The following ATL2 variants were observed in gnomAD, a reference collection of about 807,000 sequenced individuals.
ATL2 encodes the protein atlastin GTPase 2, also known as atlastin-2.
Under a neutral mutation model 73.9 loss-of-function variants are expected in ATL2, and 31 were observed. The ratio of observed to expected loss-of-function variants is 0.42; its 90% CI spans 0.32 to 0.57. ATL2 has a LOEUF of 0.57. ATL2 is among the 20% of genes least tolerant of loss of function. The pLI is 0.14. For synonymous variants in ATL2, 291 were observed against 237.5 expected (o/e 1.23, Z -2.07); for missense variants, 738 against 702.6 (o/e 1.05, Z -0.57).
At chr2:38,376,974 A>T (rs1188140198) in intron 1 of ATL2, among the ~76,000 whole-genome samples, 169 bp downstream of exon 1, 3 of 151,024 alleles carry the variant, frequency 2.0e-5, no homozygotes, top group Non-Finnish European at 3.0e-5. Context: ...GCGCTGCGGG[A>T]GCGCGGGGCG....
At position 38,295,734 on chromosome 2, in the gene ATL2, A is replaced by C. The variant is rs1666856000; in HGVS notation, c.*260T>G. 3.8e-6 allele frequency: 1 copy of C among 260,844 alleles called. No homozygotes were observed. Among genetic ancestry groups the C allele is most frequent in the Admixed American group, 5.0e-5 (1 of 19,870 alleles). The allele number at this position is 260,844 out of a possible 1,614,324, so 16.2% of individuals were successfully genotyped here. ...ATTCACTAACATTAGATTAAGTAAAAAGAAATAAAAGAGTTAAACATGGCA... is the reference window on the plus strand; with the variant it reads ...ATTCACTAACATTAGATTAAGTAAACAGAAATAAAAGAGTTAAACATGGCA... On this transcript the variant is annotated 3_prime_UTR_variant, in exon 13 of 13. Coordinates refer to ENST00000378954, the MANE Select transcript of ATL2 (RefSeq NM_001135673.4).
intron 1 of ATL2, among the ~76,000 whole-genome samples, chr2:38,349,031 T>C (rs569541652): frequency 3.0e-4 from 46 of 151,068 alleles, no homozygotes; most frequent in Non-Finnish European, 5.8e-4. Context: ...CAACAGGTGC[T>C]GGAGAGGATG....
At chr2:38,367,167 A>T (rs1671378229) in intron 1 of ATL2, among the ~76,000 whole-genome samples, 1 of 151,742 alleles carries the variant, frequency 6.6e-6, no homozygotes, top group Non-Finnish European at 1.5e-5. Context: ...GTTTTTTTTT[A>T]GGTTTTAAGA....
intron 2 of ATL2, 117 bp downstream of exon 2, chr2:38,343,149 TAA>T (rs59215933): frequency 0.02 from 7,275 of 360,358 alleles, 214 homozygotes; most frequent in African/African-American, 0.14. Flanking sequence ...CCACTTAAAT[TAA>T]AAAAAAAAAA....
chr2:38,338,815 G>C (rs1669525753), intron 2 of ATL2, among the ~76,000 whole-genome samples: 1 of 152,184 alleles, frequency 6.6e-6, no homozygotes, highest in Non-Finnish European at 1.5e-5. Flanking sequence ...AAGGGTACTT[G>C]ACCTCAGGAG....
Position 38,294,478 on chromosome 2 carries a change from G to A in ATL2, c.*1516C>T, listed in dbSNP as rs1215648299. 6.6e-6 allele frequency among the ~76,000 whole-genome samples: 1 copy of A among 152,174 alleles called. No homozygotes were observed. Among genetic ancestry groups the A allele is most frequent in the Non-Finnish European group, 1.5e-5 (1 of 68,012 alleles). On this transcript the variant is annotated 3_prime_UTR_variant, in exon 13 of 13. Transcript: ENST00000378954. ...CGGGAGAATCACTTGAACCCAGGAG[G>A]TGGAGGTTGCAGTGAGCCAAGATCG... is the stretch of plus-strand genomic sequence containing the variant.
At chr2:38,341,176 A>G (rs1301838571) in intron 2 of ATL2, among the ~76,000 whole-genome samples, 1 of 152,240 alleles carries the variant, frequency 6.6e-6, no homozygotes, top group African/African-American at 2.4e-5. Context: ...TGCACTAAAC[A>G]GCTTAGACAC....
At chr2:38,316,940 G>A (rs1167085518) in intron 4 of ATL2, among the ~76,000 whole-genome samples, 1 of 152,128 alleles carries the variant, frequency 6.6e-6, no homozygotes, top group African/African-American at 2.4e-5. Context: ...GAAAAAAAGA[G>A]ACTTAGAGGG....
intron 1 of ATL2, among the ~76,000 whole-genome samples, chr2:38,344,368 G>C (rs1306278819): frequency 6.6e-6 from 1 of 152,166 alleles, no homozygotes; most frequent in African/African-American, 2.4e-5. Flanking sequence ...CCAACACTTT[G>C]GGAGGCCGAG....
chr2:38,305,873 C>T (rs1289885976), intron 9 of ATL2, among the ~76,000 whole-genome samples: 1 of 151,300 alleles, frequency 6.6e-6, no homozygotes, highest in Non-Finnish European at 1.5e-5. Context: ...CTTAAAAAAA[C>T]AGAAAAGGAA....
chr2:38,365,425 C>T (rs1219764316), intron 1 of ATL2, among the ~76,000 whole-genome samples: 1 of 152,026 alleles, frequency 6.6e-6, no homozygotes, highest in Non-Finnish European at 1.5e-5. Flanking sequence ...GAGGCCGAGG[C>T]AGGCAGAACA....
At chr2:38,314,536 A>G in intron 6 of ATL2, 72 bp downstream of exon 6, 1 of 1,136,178 alleles carries the variant, frequency 8.8e-7, no homozygotes, top group Non-Finnish European at 1.3e-6. Context: ...TGGTGTCTCC[A>G]AAATTACAAA....
chr2:38,348,309 A>G (rs1202596199), intron 1 of ATL2, among the ~76,000 whole-genome samples: 1 of 151,930 alleles, frequency 6.6e-6, no homozygotes, highest in Non-Finnish European at 1.5e-5. Context: ...TCTACTAAAA[A>G]TACAAAATTA....
chr2:38,377,284 C>G (rs764867451), upstream of ATL2: 2 of 1,526,984 alleles, frequency 1.3e-6, no homozygotes, highest in Non-Finnish European at 1.8e-6. Flanking sequence ...AAAATTAACT[C>G]CCCACTGACG....
At chr2:38,312,682 C>G (rs1264868677) in intron 7 of ATL2, among the ~76,000 whole-genome samples, 2 of 149,814 alleles carry the variant, frequency 1.3e-5, no homozygotes, top group Non-Finnish European at 3.0e-5. Flanking sequence ...GCACTCCAGC[C>G]CAGGCAATAG....
chr2:38,344,650 T>C (rs540239006), intron 1 of ATL2, among the ~76,000 whole-genome samples: 2 of 152,212 alleles, frequency 1.3e-5, no homozygotes, highest in African/African-American at 2.4e-5. Flanking sequence ...TATTTTTCAT[T>C]CTGAAACTTA....
At chr2:38,357,201 G>C (rs757970434) in intron 1 of ATL2, among the ~76,000 whole-genome samples, 1 of 151,906 alleles carries the variant, frequency 6.6e-6, no homozygotes, top group Non-Finnish European at 1.5e-5. Flanking sequence ...GGTGGTGGGT[G>C]CCTGTAATCC....
chr2:38,356,472 C>T (rs1670675548), intron 1 of ATL2, among the ~76,000 whole-genome samples: 1 of 152,154 alleles, frequency 6.6e-6, no homozygotes, highest in Non-Finnish European at 1.5e-5. Flanking sequence ...GGATTACAGG[C>T]ATGAGCCACC....
intron 1 of ATL2, among the ~76,000 whole-genome samples, chr2:38,370,801 A>ACCCCTGG (rs1671644986): frequency 6.9e-6 from 1 of 144,968 alleles, no homozygotes; most frequent in Non-Finnish European, 1.5e-5. Context: ...AAAAAAATCA[A>ACCCCTGG]CCCCTGGCCC....
Sources: allele counts gnomAD v4.1 joint callset (sites outside exome capture counted in the v4.1 genomes callset), GRCh38; gene constraint gnomAD v4.1.1; transcripts MANE v1.5; gene names NCBI Gene and HGNC (gene_info 2026-07-23, HGNC 2026-07-21).